The following POTEF variants were observed in gnomAD, a reference collection of about 807,000 sequenced individuals.
The protein encoded by POTEF is ANKRD26-like family C member 1B.
A neutral mutation model predicts 83.2 loss-of-function variants in POTEF; 20 were observed. That is an observed-to-expected ratio of 0.24 (90% confidence interval 0.17 to 0.35). The LOEUF (loss-of-function observed/expected upper bound fraction) is 0.35. Ranked by LOEUF, POTEF falls within the 10% of genes least tolerant of loss-of-function variation. The pLI, the probability that POTEF is intolerant of heterozygous loss-of-function variation, is 1.00. For missense variants in POTEF, 550 were observed against 1,203.2 expected (o/e 0.46, Z 8.03); for synonymous variants, 196 against 446.4 (o/e 0.44, Z 7.07).
chr2:130,106,213 C>G (rs1684524430), intron 8 of POTEF, among the ~76,000 whole-genome samples: 1 of 150,734 alleles, frequency 6.6e-6, no homozygotes, highest in African/African-American at 2.5e-5. Flanking sequence ...CAAAACAACT[C>G]TGGTTCCTAC....
At chr2:130,115,174 T>C (rs1684812147) in intron 4 of POTEF, 40 bp downstream of exon 4, 3 of 1,612,264 alleles carry the variant, frequency 1.9e-6, no homozygotes, top group East Asian at 4.5e-5. Flanking sequence ...TGTATTGAAA[T>C]CAAACCCACC....
intron 8 of POTEF, among the ~76,000 whole-genome samples, chr2:130,105,385 A>T (rs1483499763): frequency 2.0e-5 from 3 of 151,608 alleles, no homozygotes; most frequent in African/African-American, 4.9e-5. Context: ...AAACCTTGTA[A>T]TACATTGATG....
At chr2:130,118,836 T>G (rs887313013) in intron 3 of POTEF, among the ~76,000 whole-genome samples, 28 of 151,826 alleles carry the variant, frequency 1.8e-4, no homozygotes, top group African/African-American at 5.8e-4. Context: ...CTAGCTAGTT[T>G]TCTCCAAACA....
intron 2 of POTEF, among the ~76,000 whole-genome samples, chr2:130,123,727 G>A (rs1685042386): frequency 6.6e-6 from 1 of 150,562 alleles, no homozygotes; most frequent in Non-Finnish European, 1.5e-5. Flanking sequence ...AAATGCTGAA[G>A]AAAGTAAAAA....
At chr2:130,075,949 C>T (rs1263987328) in intron 16 of POTEF, among the ~76,000 whole-genome samples, 1 of 148,328 alleles carries the variant, frequency 6.7e-6, no homozygotes, top group Non-Finnish European at 1.5e-5. Flanking sequence ...AATTTGACTA[C>T]ATTTTTAAGA....
At chr2:130,118,432 C>T (rs2104825425) in intron 3 of POTEF, among the ~76,000 whole-genome samples, 1 of 144,582 alleles carries the variant, frequency 6.9e-6, no homozygotes, top group African/African-American at 2.4e-5. Context: ...CACAGTGGCT[C>T]ACGCCTGTAA....
chr2:130,111,903 A>G (rs532151147), intron 6 of POTEF, 92 bp downstream of exon 6: 191 of 1,000,210 alleles, frequency 1.9e-4, no homozygotes, highest in Admixed American at 1.2e-3. Flanking sequence ...ACTACATCCC[A>G]GTAAGTATAC....
At chr2:130,105,140 T>C (rs1684485395) in intron 8 of POTEF, among the ~76,000 whole-genome samples, 1 of 140,844 alleles carries the variant, frequency 7.1e-6, no homozygotes, top group African/African-American at 2.7e-5. Flanking sequence ...CTAAATCATA[T>C]TGACGATACC....
At chr2:130,095,153 T>C (rs1164478067) in intron 11 of POTEF, among the ~76,000 whole-genome samples, 4 of 83,978 alleles carry the variant, frequency 4.8e-5, no homozygotes, top group Non-Finnish European at 9.7e-5. Context: ...TCAGCCTCCA[T>C]AGCAGCTGGG....
At position 130,101,835 on chromosome 2, in the gene POTEF, G is replaced by A. The variant is rs2004643; in HGVS notation, c.1197+275C>T. Reference sequence around the variant, plus strand: ...AAGCTAATCAAAAAGGCAGATGAGAGTATTTTAAATAAAAATATTATAAGA... The same window carrying A: ...AAGCTAATCAAAAAGGCAGATGAGAATATTTTAAATAAAAATATTATAAGA... On this transcript the variant is annotated intron_variant, in intron 9 of 16. Transcript: ENST00000409914. Among the ~76,000 whole-genome samples the A allele has an allele frequency of 1.7e-3, 234 of 135,784 alleles. 2 individuals carry two copies. The highest frequency in any genetic ancestry group is 2.9e-3 in the Non-Finnish European group (185 of 64,348). The allele number at this position is 135,784 out of a possible 152,430, so 89.1% of individuals were successfully genotyped here.
chr2:130,108,167 A>G, intron 7 of POTEF, 88 bp from the exon 8 acceptor site: 2 of 1,490,884 alleles, frequency 1.3e-6, no homozygotes, highest in South Asian at 1.3e-5. Context: ...AGAGTATTTC[A>G]AACAATATCA....
intron 1 of POTEF, among the ~76,000 whole-genome samples, chr2:130,128,812 G>C (rs1271946293): frequency 5.3e-5 from 7 of 133,236 alleles, no homozygotes; most frequent in Non-Finnish European, 1.1e-4. Flanking sequence ...GCAGAAAATA[G>C]TGCCCCTAAC....
intron 3 of POTEF, among the ~76,000 whole-genome samples, chr2:130,117,759 A>C (rs556746227): frequency 2.6e-5 from 4 of 152,024 alleles, no homozygotes; most frequent in Non-Finnish European, 5.9e-5. Context: ...CTATTTGGTA[A>C]AGATATTTCA....
At chr2:130,120,767 GCCC>G in intron 2 of POTEF, 159 bp from the exon 3 acceptor site, 1 of 640,618 alleles carries the variant, frequency 1.6e-6, no homozygotes, top group Non-Finnish European at 2.4e-6. Flanking sequence ...GCCAACCCCC[GCCC>G]CCAAGAAAAC....
rs547557018 is a variant in POTEF, at chr2:130,117,878, A to G, written c.521+2117T>C. The stretch of plus-strand genomic sequence containing the variant: ...CAATTTAAACTTTAAATGACTACGT[A>G]AGTACCACTGTTCTTCATCCTCACA... On this transcript the variant is annotated intron_variant, in intron 3 of 16. Coordinates refer to ENST00000409914, the MANE Select transcript of POTEF (RefSeq NM_001099771.2). 2.6e-5 allele frequency among the ~76,000 whole-genome samples: 4 copies of G among 152,160 alleles called. No individual in the cohort carries two copies. The South Asian group carries it at 8.3e-4, about 32-fold the overall frequency.
chr2:130,111,495 C>CTATT (rs1430404482), intron 6 of POTEF, among the ~76,000 whole-genome samples: 1 of 151,808 alleles, frequency 6.6e-6, no homozygotes, highest in Non-Finnish European at 1.5e-5. Flanking sequence ...GTGGGAACAG[C>CTATT]AATTAATTGT....
chr2:130,101,292 T>A (rs1388244165), intron 9 of POTEF, among the ~76,000 whole-genome samples: 3 of 150,704 alleles, frequency 2.0e-5, no homozygotes, highest in Non-Finnish European at 4.4e-5. Flanking sequence ...TACTGTCATA[T>A]GATAGTGTTA....
Position 130,106,543 on chromosome 2 carries a change from C to G in POTEF, c.1126+1466G>C. The G allele has an allele frequency of 2.2e-5, 2 of 92,058 alleles. 1 individual carries two copies. Among genetic ancestry groups the G allele is most frequent in the Non-Finnish European group, 4.2e-5 (2 of 47,196 alleles). 5.7% of individuals were successfully genotyped at this position (92,058 alleles called of 1,614,324 possible). A position where few individuals can be genotyped will look rare whatever the true frequency, so the allele number is the denominator to read the frequency against. ...CGACCTCGCTGCATGTTCCTTCTGC[C>G]AAACATTCTTCTTCTGCTTCTTTAC... On this transcript the variant is annotated intron_variant, in intron 8 of 16. Transcript: ENST00000409914.
chr2:130,095,030 T>A, intron 11 of POTEF, among the ~76,000 whole-genome samples: 1 of 107,850 alleles, frequency 9.3e-6, no homozygotes, highest in South Asian at 3.2e-4. Flanking sequence ...TCAAACTTTT[T>A]TTTTTTTTTT....
Sources: allele counts gnomAD v4.1 joint callset (sites outside exome capture counted in the v4.1 genomes callset), GRCh38; gene constraint gnomAD v4.1.1; transcripts MANE v1.5; gene names NCBI Gene and HGNC (gene_info 2026-07-23, HGNC 2026-07-21).